YEATS4: variants seen among roughly 807,000 people sequenced by gnomAD.
YEATS4 encodes the protein YEATS domain-containing protein 4.
In YEATS4, 17 loss-of-function variants were observed where a neutral mutation model predicts 30.1. The ratio of observed to expected loss-of-function variants is 0.56; its 90% CI spans 0.39 to 0.85. YEATS4 has a LOEUF of 0.85. Ranked by LOEUF, YEATS4 falls within the 40% of genes least tolerant of loss-of-function variation. YEATS4 has a pLI of 0.00. For missense variants in YEATS4, 142 were observed against 268.3 expected (o/e 0.53, Z 3.29); for synonymous variants, 85 against 87.5 (o/e 0.97, Z 0.16).
At chr12:69,369,525 G>A (rs1875563662) in intron 4 of YEATS4, among the ~76,000 whole-genome samples, 1 of 152,200 alleles carries the variant, frequency 6.6e-6, no homozygotes, top group South Asian at 2.1e-4. Context: ...TCTTGACTTT[G>A]ATACTTGCCA....
the YEATS4 span, among the ~76,000 whole-genome samples, chr12:69,405,330 T>C: frequency 6.6e-6 from 1 of 152,186 alleles, no homozygotes; most frequent in Admixed American, 6.5e-5. Flanking sequence ...CAGTAAGAGA[T>C]TAACGACAAT....
At chr12:69,415,146 T>G in the YEATS4 span, among the ~76,000 whole-genome samples, 6 of 152,212 alleles carry the variant, frequency 3.9e-5, no homozygotes, top group South Asian at 1.2e-3. Context: ...AGGAAGGCAG[T>G]AAGAGAGAAA....
chr12:69,374,216 G>A (rs1875755521), intron 6 of YEATS4, among the ~76,000 whole-genome samples: 1 of 151,146 alleles, frequency 6.6e-6, no homozygotes, highest in Admixed American at 6.6e-5. Flanking sequence ...AGATTGCTTT[G>A]GGAAGTATGG....
At chr12:69,424,439 T>C in the YEATS4 span, among the ~76,000 whole-genome samples, 1 of 152,212 alleles carries the variant, frequency 6.6e-6, no homozygotes. Flanking sequence ...GAAGCTACTT[T>C]ATTCATCTAC....
chr12:69,395,138 T>C (rs564864477), downstream of YEATS4, among the ~76,000 whole-genome samples: 2 of 152,150 alleles, frequency 1.3e-5, no homozygotes, highest in Non-Finnish European at 2.9e-5. Context: ...TTCACACTTG[T>C]TTACTTTTTT....
At chr12:69,372,726 CAG>C (rs1875696085) in intron 6 of YEATS4, among the ~76,000 whole-genome samples, 1 of 151,820 alleles carries the variant, frequency 6.6e-6, no homozygotes. Context: ...TTAGTAGAGA[CAG>C]GGTTTCACCA....
Position 69,359,826 on chromosome 12 carries a change from C to G in YEATS4, c.-147C>G, listed in dbSNP as rs943408563. 7.7e-6 allele frequency: 7 copies of G among 910,878 alleles called. No individual in the cohort carries two copies. In the Admixed American group the frequency reaches 1.6e-4, roughly 21 times the overall value. The allele number at this position is 910,878 out of a possible 1,614,324, so 56.4% of individuals were successfully genotyped here. A position where few individuals can be genotyped will look rare whatever the true frequency, so the allele number is the denominator to read the frequency against. On this transcript the variant is annotated 5_prime_UTR_variant, in exon 1 of 7. Coordinates refer to ENST00000247843, the MANE Select transcript of YEATS4 (RefSeq NM_006530.4). ...GCCTGAGGAGTTGACGGTTACTCACCGCCGTGAGCCCAAGTAACTCGCCCT... is the reference window on the plus strand; with the variant it reads ...GCCTGAGGAGTTGACGGTTACTCACGGCCGTGAGCCCAAGTAACTCGCCCT...
intron 6 of YEATS4, among the ~76,000 whole-genome samples, chr12:69,389,768 C>T (rs1392703086): frequency 6.6e-6 from 1 of 152,110 alleles, no homozygotes; most frequent in Non-Finnish European, 1.5e-5. Context: ...CTGCCTTAGC[C>T]TCCCAAAGTG....
At chr12:69,375,295 A>G (rs1478079439) in intron 6 of YEATS4, among the ~76,000 whole-genome samples, 1 of 137,040 alleles carries the variant, frequency 7.3e-6, no homozygotes, top group Non-Finnish European at 1.6e-5. Flanking sequence ...CGCTCTTCAC[A>G]TCTCAGATGG....
At chr12:69,415,914 T>A in the YEATS4 span, among the ~76,000 whole-genome samples, 1 of 152,248 alleles carries the variant, frequency 6.6e-6, no homozygotes, top group Non-Finnish European at 1.5e-5. Context: ...GAAGGTGGCA[T>A]CTCTCACTCT....
At chr12:69,364,018 T>G (rs1427891535) in intron 2 of YEATS4, among the ~76,000 whole-genome samples, 1 of 152,194 alleles carries the variant, frequency 6.6e-6, no homozygotes, top group Non-Finnish European at 1.5e-5. Context: ...GGCAAATCCA[T>G]AGACAAAGAA....
intron 1 of YEATS4, among the ~76,000 whole-genome samples, chr12:69,362,013 G>GTTTTTTTTT (rs533225716): frequency 8.7e-5 from 6 of 69,078 alleles, no homozygotes; most frequent in African/African-American, 2.5e-4. Flanking sequence ...GTGTTTGGTT[G>GTTTTTTTTT]TTTTTTTTTT....
At chr12:69,366,877 T>C (rs897251308) in intron 4 of YEATS4, among the ~76,000 whole-genome samples, 2 of 152,180 alleles carry the variant, frequency 1.3e-5, no homozygotes, top group African/African-American at 4.8e-5. Flanking sequence ...GGTGCTTGCT[T>C]ATTTATTTAT....
At chr12:69,384,317 T>C (rs906051007) in intron 6 of YEATS4, among the ~76,000 whole-genome samples, 1 of 152,270 alleles carries the variant, frequency 6.6e-6, no homozygotes, top group African/African-American at 2.4e-5. Context: ...CTATCATTTA[T>C]TTATGTATAA....
At chr12:69,410,611 G>A in the YEATS4 span, among the ~76,000 whole-genome samples, 1 of 152,126 alleles carries the variant, frequency 6.6e-6, no homozygotes, top group Non-Finnish European at 1.5e-5. Flanking sequence ...TTTAGCAGTC[G>A]ATAAGGAAAA....
chr12:69,416,045 C>A, the YEATS4 span, among the ~76,000 whole-genome samples: 1 of 152,196 alleles, frequency 6.6e-6, no homozygotes, highest in Non-Finnish European at 1.5e-5. Context: ...TTACACCAGC[C>A]TTGGAAGCCA....
Position 69,381,518 on chromosome 12 carries a change from C to T in YEATS4, c.515-8629C>T, listed in dbSNP as rs541948195. ...CTGAGGTGACATACATCCTCCTCAG[C>T]TTACAAAGATGACGGGATTAAGAGA... On this transcript the variant is annotated intron_variant, in intron 6 of 6. Coordinates refer to ENST00000247843, the MANE Select transcript of YEATS4 (RefSeq NM_006530.4). Among the ~76,000 whole-genome samples, 575 of 152,244 alleles carry T rather than the reference C, an allele frequency of 3.8e-3. 3 individuals are homozygous for T. The highest frequency in any genetic ancestry group is 5.5e-3 in the Non-Finnish European group (375 of 68,014).
chr12:69,362,812 GT>G lies in YEATS4; in HGVS notation c.79del (p.Tyr27ThrfsTer25). 1 of 1,610,328 alleles carries G rather than the reference GT, an allele frequency of 6.2e-7. No homozygotes were observed. The highest frequency in any genetic ancestry group is 8.5e-7 in the Non-Finnish European group (1 of 1,177,642). On this transcript the variant is annotated frameshift_variant, in exon 2 of 7. Transcript: ENST00000247843. LOFTEE classifies it high-confidence loss of function. ...GGGTGTTACTATCGTTAAACCAATAGTTTACGGTAATGTTGCTCGGTATTTT... is the reference window on the plus strand; with the variant it reads ...GGGTGTTACTATCGTTAAACCAATAGTTACGGTAATGTTGCTCGGTATTTT... ...VKGVTIVKPI[V>X]YGNVARYFGK...
chr12:69,393,183 C>T (rs1868328469), downstream of YEATS4, among the ~76,000 whole-genome samples: 1 of 152,174 alleles, frequency 6.6e-6, no homozygotes, highest in African/African-American at 2.4e-5. Context: ...CATGGTGGCT[C>T]ACGCCTGTAG....
Sources: gnomAD v4.1 joint callset for allele counts (sites outside exome capture counted in the v4.1 genomes callset) on GRCh38, gnomAD v4.1.1 for gene constraint, MANE v1.5 for transcripts, NCBI Gene and HGNC (gene_info 2026-07-23, HGNC 2026-07-21) for gene names.